CADM2: variants seen among roughly 807,000 people sequenced by gnomAD.
CADM2 encodes the protein cell adhesion molecule 2, also known as immunoglobulin superfamily member 4D.
CADM2 carries 12 observed loss-of-function variants against 49.8 expected under a neutral mutation model. The ratio of observed to expected loss-of-function variants is 0.24; its 90% CI spans 0.15 to 0.39. CADM2 has a LOEUF of 0.39. CADM2 is among the 10% of genes least tolerant of loss of function. The pLI is 1.00. For synonymous variants in CADM2, 214 were observed against 175.4 expected (o/e 1.22, Z -1.74); for missense variants, 378 against 492.3 (o/e 0.77, Z 2.20).
intron 3 of CADM2, among the ~76,000 whole-genome samples, chr3:85,829,351 G>T (rs2074075450): frequency 6.6e-6 from 1 of 151,562 alleles, no homozygotes. Context: ...GAGATATTTT[G>T]ATACCTATAT....
intron 6 of CADM2, among the ~76,000 whole-genome samples, chr3:85,930,104 G>A (rs1720401888): frequency 6.6e-6 from 1 of 151,946 alleles, no homozygotes; most frequent in Non-Finnish European, 1.5e-5. Context: ...ACTAGCTTTG[G>A]CTGAATAATT....
At chr3:85,712,037 C>G in intron 1 of CADM2, among the ~76,000 whole-genome samples, 1 of 152,146 alleles carries the variant, frequency 6.6e-6, no homozygotes. Flanking sequence ...GAATGTATTT[C>G]TGTACTTGAC....
chr3:85,559,759 T>A (rs972379166), intron 1 of CADM2, among the ~76,000 whole-genome samples: 8 of 152,004 alleles, frequency 5.3e-5, no homozygotes, highest in African/African-American at 1.9e-4. Context: ...CAAGTCAAAC[T>A]TCATTTCTCT....
intron 2 of CADM2, among the ~76,000 whole-genome samples, chr3:85,779,613 G>T (rs1338116376): frequency 6.6e-6 from 1 of 152,052 alleles, no homozygotes; most frequent in Non-Finnish European, 1.5e-5. Context: ...CAGCATGGGG[G>T]TAACCAACCC....
At chr3:85,573,619 AT>A (rs1323482038) in intron 1 of CADM2, among the ~76,000 whole-genome samples, 1 of 152,222 alleles carries the variant, frequency 6.6e-6, no homozygotes, top group Non-Finnish European at 1.5e-5. Flanking sequence ...ATGATCTTGC[AT>A]GAATATGTAA....
chr3:85,023,481 T>C (rs1458953917), intron 1 of CADM2, among the ~76,000 whole-genome samples: 5 of 152,024 alleles, frequency 3.3e-5, no homozygotes, highest in Non-Finnish European at 5.9e-5. Context: ...GTTTTCCCAG[T>C]AGGTTTATTA....
chr3:86,002,451 A>T (rs1319004025), intron 8 of CADM2, among the ~76,000 whole-genome samples: 1 of 152,030 alleles, frequency 6.6e-6, no homozygotes, highest in Non-Finnish European at 1.5e-5. Context: ...TCACAATTCT[A>T]TTGTGCCACC....
chr3:85,505,137 G>A (rs1215175713), intron 1 of CADM2, among the ~76,000 whole-genome samples: 2 of 152,198 alleles, frequency 1.3e-5, no homozygotes, highest in South Asian at 2.1e-4. Flanking sequence ...GTGCAGCGGC[G>A]GGCTGAAGGG....
intron 1 of CADM2, among the ~76,000 whole-genome samples, chr3:85,058,573 T>A (rs569181716): frequency 2.4e-4 from 37 of 152,226 alleles, no homozygotes; most frequent in African/African-American, 8.2e-4. Flanking sequence ...GCCTACCAAG[T>A]AGCTGGGATT....
chr3:85,653,987 T>C (rs2065126606), intron 1 of CADM2, among the ~76,000 whole-genome samples: 1 of 152,232 alleles, frequency 6.6e-6, no homozygotes, highest in African/African-American at 2.4e-5. Flanking sequence ...AAATACGGAC[T>C]GTGAATTGGC....
At chr3:85,939,337 A>G (rs1016806623) in intron 7 of CADM2, among the ~76,000 whole-genome samples, 1 of 151,976 alleles carries the variant, frequency 6.6e-6, no homozygotes, top group African/African-American at 2.4e-5. Context: ...TTTTAGTTTA[A>G]AGTGAGGACC....
In CADM2 at chr3:84,959,401, C is replaced by T; in HGVS notation, c.-207C>T. The stretch of plus-strand genomic sequence containing the variant: ...GGAGGAGGAGGAGAAGAAACTATTT[C>T]GCGATACCCCATTCTGCGGGTGCTT... On this transcript the variant is annotated 5_prime_UTR_variant, in exon 1 of 10. Coordinates refer to ENST00000383699, the MANE Select transcript of CADM2 (RefSeq NM_001167675.2). 1 of 583,508 alleles carries T rather than the reference C, an allele frequency of 1.7e-6. No individual in the cohort carries two copies. Among genetic ancestry groups the T allele is most frequent in the Non-Finnish European group, 3.0e-6 (1 of 327,938 alleles). 36.1% of individuals were successfully genotyped at this position (583,508 alleles called of 1,614,324 possible).
At chr3:85,949,976 C>G (rs1341871291) in intron 7 of CADM2, among the ~76,000 whole-genome samples, 1 of 150,918 alleles carries the variant, frequency 6.6e-6, no homozygotes, top group Non-Finnish European at 1.5e-5. Flanking sequence ...TCACATTGTT[C>G]TTATGATGTA....
intron 1 of CADM2, among the ~76,000 whole-genome samples, chr3:85,067,022 A>G (rs1185170423): frequency 1.3e-5 from 2 of 152,092 alleles, no homozygotes; most frequent in African/African-American, 4.8e-5. Context: ...TTAGGATAAT[A>G]TATTAATCAT....
chr3:85,732,965 A>G (rs1050164956), intron 2 of CADM2, among the ~76,000 whole-genome samples: 1 of 152,232 alleles, frequency 6.6e-6, no homozygotes, highest in African/African-American at 2.4e-5. Flanking sequence ...ATGCATTTAC[A>G]TATATACCAC....
chr3:85,682,836 A>G (rs2066077432), intron 1 of CADM2, among the ~76,000 whole-genome samples: 1 of 152,098 alleles, frequency 6.6e-6, no homozygotes, highest in African/African-American at 2.4e-5. Flanking sequence ...GGGGGACTAT[A>G]TAATGAGTCT....
At chr3:85,150,269 G>A (rs1355068680) in intron 1 of CADM2, among the ~76,000 whole-genome samples, 2 of 152,092 alleles carry the variant, frequency 1.3e-5, no homozygotes, top group Non-Finnish European at 2.9e-5. Flanking sequence ...TTCATAAGGG[G>A]CTTTTTCTAA....
intron 1 of CADM2, among the ~76,000 whole-genome samples, chr3:85,562,627 T>C (rs1287296967): frequency 6.6e-6 from 1 of 152,178 alleles, no homozygotes; most frequent in African/African-American, 2.4e-5. Flanking sequence ...TCTTTCTACA[T>C]TATATAGCCC....
intron 1 of CADM2, among the ~76,000 whole-genome samples, chr3:85,328,185 A>G (rs993883691): frequency 1.8e-4 from 28 of 152,328 alleles, no homozygotes; most frequent in South Asian, 1.2e-3. Flanking sequence ...CTTAGTGTTT[A>G]ATATGAATTC....
Sources: gnomAD v4.1 joint callset for allele counts (sites outside exome capture counted in the v4.1 genomes callset) on GRCh38, gnomAD v4.1.1 for gene constraint, MANE v1.5 for transcripts, NCBI Gene and HGNC (gene_info 2026-07-23, HGNC 2026-07-21) for gene names.